Variants in NRAP observed in about 807,000 individuals in gnomAD.
The protein encoded by NRAP is nebulin related anchoring protein, also known as nebulin-related-anchoring protein.
In NRAP, 189 loss-of-function variants were observed where a neutral mutation model predicts 225.9. The observed-to-expected ratio is 0.84, with a 90% confidence interval of 0.74 to 0.94. NRAP has a LOEUF of 0.94. NRAP is among the 40% of genes least tolerant of loss of function. The pLI is 0.00. For synonymous variants in NRAP, 769 were observed against 790.7 expected (o/e 0.97, Z 0.46); for missense variants, 2,176 against 2,168.7 (o/e 1.00, Z -0.07).
intron 20 of NRAP, 58 bp downstream of exon 20, chr10:113,628,859 C>A (rs1848422638): frequency 9.9e-6 from 9 of 908,970 alleles, no homozygotes; most frequent in African/African-American, 1.7e-5. Context: ...GCAAAGATCA[C>A]CCTGCATGTG....
chr10:113,613,213 T>C lies in NRAP; in HGVS notation c.3301-782A>G, dbSNP rs976060754. Among the ~76,000 whole-genome samples the C allele has an allele frequency of 2.0e-5, 3 of 151,588 alleles. No homozygotes were observed. The East Asian group carries it at 5.8e-4, about 29-fold the overall frequency. On this transcript the variant is annotated intron_variant, in intron 29 of 41. Coordinates refer to ENST00000359988, the MANE Select transcript of NRAP (RefSeq NM_198060.4). ...AGCATAATGCCAAGGACAGTTCATA[T>C]CCAACCTCATATTCTTAGGTCAGCA...
chr10:113,645,947 A>AAG lies in NRAP; in HGVS notation c.994-7_994-6insCT. ...AAGTCCTGCCTGTATTTTATCTGAAAAAAAAAACACAAAACGGGGCTGGAG... is the reference window on the plus strand; with the variant it reads ...AAGTCCTGCCTGTATTTTATCTGAAAAGAAAAAAACACAAAACGGGGCTGGAG... On this transcript the variant is annotated splice_polypyrimidine_tract_variant and splice_region_variant and intron_variant, in intron 10 of 41. Coordinates refer to ENST00000359988, the MANE Select transcript of NRAP (RefSeq NM_198060.4). 2 of 1,453,946 alleles carry AAG rather than the reference A, an allele frequency of 1.4e-6. No individual in the cohort carries two copies. The highest frequency in any genetic ancestry group is 1.9e-6 in the Non-Finnish European group (2 of 1,056,588). The allele number at this position is 1,453,946 out of a possible 1,614,324, so 90.1% of individuals were successfully genotyped here.
intron 6 of NRAP, 37 bp downstream of exon 6, chr10:113,652,898 A>C: frequency 7.1e-7 from 1 of 1,415,616 alleles, no homozygotes. Flanking sequence ...GACAAAAATT[A>C]GCATAATCAA....
At position 113,590,778 on chromosome 10, in the gene NRAP, C is replaced by T; in HGVS notation, c.4756G>A (p.Asp1586Asn). ...GCAAAGTCCTTCTTGTACTCATTGT[C>T]ACTCTGGAGCCTGCCAACGTTGAGG... ...HFLNVGRLQS[D>N]NEYKKDFAKS... Residue 1586 changes from aspartate to asparagine, a missense_variant, in exon 40 of 42, where the codon GAC (aspartate) becomes AAC (asparagine). By Grantham distance (23) the Asp-to-Asn change is conservative (BLOSUM62 1). Around this residue, in one of 3 missense-constraint regions of NRAP, gnomAD observed 445 missense variants for 426.1 expected, o/e 1.04. Transcript: ENST00000359988. 1 of 1,614,206 alleles carries T rather than the reference C, an allele frequency of 6.2e-7. No homozygotes were observed. Among genetic ancestry groups the T allele is most frequent in the Non-Finnish European group, 8.5e-7 (1 of 1,180,030 alleles).
chr10:113,593,303 G>A (rs115773307), intron 38 of NRAP, among the ~76,000 whole-genome samples: 123 of 152,228 alleles, frequency 8.1e-4, no homozygotes, highest in Middle Eastern at 6.8e-3. Context: ...TCTGTTCTAC[G>A]GGGGATTGGG....
At chr10:113,643,167 T>C (rs1389922833) in intron 11 of NRAP, 129 bp from the exon 12 acceptor site, 2 of 511,082 alleles carry the variant, frequency 3.9e-6, no homozygotes, top group Non-Finnish European at 7.0e-6. Context: ...AAGCATAGAA[T>C]ATGCTAAGTT....
intron 10 of NRAP, among the ~76,000 whole-genome samples, chr10:113,646,463 A>G (rs3121480): frequency 0.55 from 84,320 of 152,150 alleles, 24,614 homozygotes; most frequent in East Asian, 0.73. Context: ...TTGGCATGCT[A>G]AGATCTGCAG....
chr10:113,651,363 A>G (rs1849953230), intron 7 of NRAP, among the ~76,000 whole-genome samples: 2 of 152,174 alleles, frequency 1.3e-5, no homozygotes, highest in African/African-American at 4.8e-5. Flanking sequence ...GTTCTAGAAT[A>G]CATGTGCAGG....
At chr10:113,661,582 G>A (rs1324847787) in intron 3 of NRAP, among the ~76,000 whole-genome samples, 2 of 152,222 alleles carry the variant, frequency 1.3e-5, no homozygotes, top group Admixed American at 6.5e-5. Flanking sequence ...ATCCCACAGA[G>A]CAACTTCTTG....
intron 33 of NRAP, 89 bp downstream of exon 33, chr10:113,606,088 AG>A (rs777481265): frequency 1.1e-4 from 112 of 990,710 alleles, no homozygotes; most frequent in Non-Finnish European, 1.8e-4. Flanking sequence ...GCTTCTGTGA[AG>A]GCCAGAAAGG....
chr10:113,629,810 G>T (rs372803609), intron 18 of NRAP, 25 bp from the exon 19 acceptor site: 20 of 1,516,408 alleles, frequency 1.3e-5, no homozygotes, highest in Non-Finnish European at 1.7e-5. Context: ...AACAAGGCCC[G>T]TTTTGTTAGT....
rs555317578 is a variant in NRAP at position 113,631,927 on chromosome 10, T to C, written c.1670A>G (p.Lys557Arg). 1 of 1,613,628 alleles carries C rather than the reference T, an allele frequency of 6.2e-7. No individual in the cohort carries two copies. The highest frequency in any genetic ancestry group is 1.7e-5 in the Admixed American group (1 of 60,020). The change falls in exon 17 of 42, where the codon AAA becomes AGA. Residue 557 changes from lysine (K) to arginine (R), a missense_variant. Lys to Arg is a conservative substitution (Grantham distance 26). Around this residue, in one of 3 missense-constraint regions of NRAP, gnomAD observed 1,708 missense variants for 1,695.5 expected, o/e 1.01. Coordinates refer to ENST00000359988, the MANE Select transcript of NRAP (RefSeq NM_198060.4). Reference sequence around the variant, plus strand: ...GGCATCCAGCTTCATCTCAAATCCTTTCCCCTTTGTCTTCTCCCAGCCTTC... The same window carrying C: ...GGCATCCAGCTTCATCTCAAATCCTCTCCCCTTTGTCTTCTCCCAGCCTTC... ...YKEGWEKTKG[K>R]GFEMKLDAMS...
At chr10:113,635,568 C>T (rs1848823021) in intron 14 of NRAP, among the ~76,000 whole-genome samples, 1 of 152,236 alleles carries the variant, frequency 6.6e-6, no homozygotes. Flanking sequence ...GCTGGAACTA[C>T]AGGCGTGCAC....
At chr10:113,591,473 T>C (rs1845989203) in intron 39 of NRAP, among the ~76,000 whole-genome samples, 2 of 152,232 alleles carry the variant, frequency 1.3e-5, no homozygotes, top group African/African-American at 4.8e-5. Flanking sequence ...TTCAATGAGA[T>C]GAGTCCAGTG....
chr10:113,589,041 A>T lies in NRAP; in HGVS notation c.5127T>A (p.Ser1709Arg), dbSNP rs761279910. ...CAGTGGCATCTGGGTTCACCTCCCC[A>T]CTCTGATGATCTCCAGCCTCCACTG... ...AEAVEAGDHQ[S>R]GEVNPDATEI... Residue 1709 changes from serine (S) to arginine (R), a missense_variant, in exon 42 of 42, where the codon AGT becomes AGA. Ser to Arg is a moderately radical substitution (Grantham distance 110). This residue lies in a region of NRAP where 445 missense variants were observed against 426.1 expected (regional missense o/e 1.04). Coordinates refer to ENST00000359988, the MANE Select transcript of NRAP (RefSeq NM_198060.4). 1 of 1,613,390 alleles carries T rather than the reference A, an allele frequency of 6.2e-7. No homozygotes were observed.
chr10:113,593,500 G>A (rs528677653), intron 38 of NRAP, among the ~76,000 whole-genome samples: 4 of 152,254 alleles, frequency 2.6e-5, no homozygotes, highest in South Asian at 2.1e-4. Flanking sequence ...ACCCGATGCC[G>A]TAAACCCTGA....
chr10:113,659,249 G>A (rs1177093815), intron 3 of NRAP, among the ~76,000 whole-genome samples: 1 of 151,922 alleles, frequency 6.6e-6, no homozygotes, highest in Non-Finnish European at 1.5e-5. Context: ...ATTATTTGTT[G>A]TGGAGTACTG....
At chr10:113,648,828 G>A (rs544747165) in intron 9 of NRAP, among the ~76,000 whole-genome samples, 42 of 152,274 alleles carry the variant, frequency 2.8e-4, no homozygotes, top group African/African-American at 9.4e-4. Context: ...TCAAGAACCA[G>A]CTATGATACT....
intron 21 of NRAP, among the ~76,000 whole-genome samples, chr10:113,625,733 G>C (rs529226332): frequency 5.9e-5 from 9 of 152,150 alleles, no homozygotes; most frequent in African/African-American, 2.2e-4. Flanking sequence ...CCTGGCTCCA[G>C]AATTAGAGTC....
Sources: allele counts gnomAD v4.1 joint callset (sites outside exome capture counted in the v4.1 genomes callset), GRCh38; gene constraint gnomAD v4.1.1; regional missense constraint gnomAD v4.1.1; transcripts MANE v1.5; gene names NCBI Gene and HGNC (gene_info 2026-07-23, HGNC 2026-07-21).